Variants in RECK observed in about 807,000 individuals in gnomAD.
The protein encoded by RECK is reversion inducing cysteine rich protein with kazal motifs.
Under a neutral mutation model 115.1 loss-of-function variants are expected in RECK, and 69 were observed. The ratio of observed to expected loss-of-function variants is 0.60; its 90% CI spans 0.49 to 0.73. The LOEUF is 0.73. Among genes scored for constraint, RECK ranks in the 30% least tolerant of loss-of-function variants. The pLI, the probability that RECK is intolerant of heterozygous loss-of-function variation, is 0.00. For synonymous variants in RECK, 414 were observed against 419.7 expected, an observed-to-expected ratio of 0.99 and a Z score of 0.17; for missense variants, 1,047 against 1,203.7, an observed-to-expected ratio of 0.87 and a Z score of 1.93.
chr9:36,115,149 T>G (rs1181797255), intron 16 of RECK, among the ~76,000 whole-genome samples: 1 of 152,026 alleles, frequency 6.6e-6, no homozygotes, highest in African/African-American at 2.4e-5. Flanking sequence ...ATCCCATCTC[T>G]ACTAAAAATA....
At chr9:36,114,882 A>C (rs895989178) in intron 16 of RECK, among the ~76,000 whole-genome samples, 7 of 152,098 alleles carry the variant, frequency 4.6e-5, no homozygotes, top group African/African-American at 1.7e-4. Context: ...ACTAAAAGAA[A>C]GAAATTGGTA....
intron 13 of RECK, 57 bp downstream of exon 13, chr9:36,105,340 T>C: frequency 6.4e-7 from 1 of 1,574,072 alleles, no homozygotes; most frequent in South Asian, 1.1e-5. Context: ...TGTTTCTTTA[T>C]AGGAGCTATC....
At chr9:36,102,341 C>A in intron 12 of RECK, 111 bp downstream of exon 12, 1 of 888,880 alleles carries the variant, frequency 1.1e-6, no homozygotes, top group Non-Finnish European at 1.7e-6. Flanking sequence ...ACATGGGATT[C>A]AATGATACCA....
chr9:36,114,863 A>ACAAAT (rs1187781411), intron 16 of RECK, among the ~76,000 whole-genome samples: 1 of 151,690 alleles, frequency 6.6e-6, no homozygotes, highest in Non-Finnish European at 1.5e-5. Flanking sequence ...ACAAAACAAA[A>ACAAAT]CAAAAAACAC....
rs150318912 is a variant in RECK, at chr9:36,076,654, G to A, written c.406-3951G>A. 1.4e-4 allele frequency among the ~76,000 whole-genome samples: 21 copies of A among 152,216 alleles called. No homozygotes were observed. The East Asian group carries it at 3.5e-3, about 25-fold the overall frequency. On this transcript the variant is annotated intron_variant, in intron 6 of 20. Transcript: ENST00000377966. ...CAAATATTCAGGAATTTAATCGCGA[G>A]AGTAGGGCAGGGAACTAGTTATTGA...
chr9:36,073,654 T>C (rs1292031569), intron 6 of RECK, among the ~76,000 whole-genome samples: 2 of 152,198 alleles, frequency 1.3e-5, no homozygotes, highest in African/African-American at 4.8e-5. Context: ...AACCCTTCAG[T>C]TGCTTCCCTG....
chr9:36,085,987 GT>G (rs1822943466), intron 8 of RECK: 1 of 151,916 alleles, frequency 6.6e-6, no homozygotes, highest in Admixed American at 6.6e-5. Flanking sequence ...GCAGAAAGAG[GT>G]TTTAAGGGTA....
intron 8 of RECK, among the ~76,000 whole-genome samples, chr9:36,084,671 G>A (rs1822871336): frequency 6.6e-6 from 1 of 151,858 alleles, no homozygotes; most frequent in Admixed American, 6.6e-5. Flanking sequence ...CTCTAGCCTG[G>A]GCAACAGACC....
At chr9:36,109,396 A>C (rs1823944739) in intron 14 of RECK, among the ~76,000 whole-genome samples, 1 of 152,230 alleles carries the variant, frequency 6.6e-6, no homozygotes. Context: ...ATGAGCTTTC[A>C]AAGCAGAAGG....
chr9:36,037,020 C>G lies in RECK; in HGVS notation c.22C>G (p.Leu8Val). 7.0e-7 allele frequency: 1 copy of G among 1,431,896 alleles called. No individual in the cohort carries two copies. Among genetic ancestry groups the G allele is most frequent in the Non-Finnish European group, 9.2e-7 (1 of 1,089,868 alleles). The allele number at this position is 1,431,896 out of a possible 1,614,324, so 88.7% of individuals were successfully genotyped here. ...GGACATGGCGACCGTCCGGGCCTCT[C>G]TGCGAGGTGCGCTGCTCCTTCTGCT... MATVRAS[L>V]RGALLLLLAV... is the part of the protein sequence containing the mutation. Residue 8 changes from leucine to valine, a missense_variant, in exon 1 of 21, where the codon CTG becomes GTG. Coordinates refer to ENST00000377966, the MANE Select transcript of RECK (RefSeq NM_021111.3).
rs561725701 is a variant in RECK at position 36,065,228 on chromosome 9, T to TAAAAAAAAAAAAAAAAAAA, written c.358-340_358-322dup. 5.9e-5 allele frequency among the ~76,000 whole-genome samples: 3 copies of TAAAAAAAAAAAAAAAAAAA among 50,542 alleles called. 1 individual carries two copies. The highest frequency in any genetic ancestry group is 1.2e-4 in the Non-Finnish European group (3 of 25,732). 33.2% of individuals were successfully genotyped at this position (50,542 alleles called of 152,430 possible). A position where few individuals can be genotyped will look rare whatever the true frequency, so the allele number is the denominator to read the frequency against. On this transcript the variant is annotated intron_variant, in intron 5 of 20. Coordinates refer to ENST00000377966, the MANE Select transcript of RECK (RefSeq NM_021111.3). ...AATTTGCTACAGAGTGGAATTCAGC[T>TAAAAAAAAAAAAAAAAAAA]AAAAAAAAAAAAAAAAAAAAAAAAA...
chr9:36,053,651 A>G (rs1400062443), intron 2 of RECK, among the ~76,000 whole-genome samples: 1 of 152,186 alleles, frequency 6.6e-6, no homozygotes, highest in African/African-American at 2.4e-5. Flanking sequence ...TTTGGGAAAC[A>G]TGACTTACCT....
chr9:36,054,126 C>G (rs1398275139), intron 2 of RECK, among the ~76,000 whole-genome samples: 2 of 152,136 alleles, frequency 1.3e-5, no homozygotes, highest in Non-Finnish European at 2.9e-5. Flanking sequence ...TCGTAGAGCT[C>G]ACTTCAAAGA....
chr9:36,120,616 CTT>C (rs1824425138), intron 18 of RECK, 45 bp from the exon 19 acceptor site: 1 of 1,440,294 alleles, frequency 6.9e-7, no homozygotes, highest in Non-Finnish European at 9.8e-7. Context: ...TTTAAATTCT[CTT>C]TGTTTCTAAT....
chr9:36,112,808 A>G (rs764064881), intron 16 of RECK, among the ~76,000 whole-genome samples: 46 of 152,358 alleles, frequency 3.0e-4, no homozygotes, highest in Non-Finnish European at 6.0e-4. Flanking sequence ...CAGACTAACA[A>G]GAGTCATGGC....
In RECK at chr9:36,100,524, C is replaced by G. The variant is rs189825349; in HGVS notation, c.1279C>G (p.Arg427Gly). The G allele has an allele frequency of 6.2e-7, 1 of 1,613,268 alleles. No individual in the cohort carries two copies. Residue 427 changes from arginine (R) to glycine (G), a missense_variant, in exon 11 of 21, where the codon CGG (arginine) becomes GGG (glycine). Coordinates refer to ENST00000377966, the MANE Select transcript of RECK (RefSeq NM_021111.3). Reference sequence around the variant, plus strand: ...GATTAAACCTTGTCATAGTAAATCTCGGGGAAGTATTATTTGCAAGTAAGT... The same window carrying G: ...GATTAAACCTTGTCATAGTAAATCTGGGGGAAGTATTATTTGCAAGTAAGT... The part of the protein sequence containing the change: ...LQIKPCHSKS[R>G]GSIICKSDCV...
intron 6 of RECK, among the ~76,000 whole-genome samples, chr9:36,077,527 A>G (rs967512778): frequency 3.9e-5 from 6 of 152,198 alleles, no homozygotes; most frequent in African/African-American, 1.4e-4. Flanking sequence ...TATTCATCAA[A>G]TGCTGGTATA....
At chr9:36,110,346 G>T (rs973725337) in intron 15 of RECK, among the ~76,000 whole-genome samples, 2 of 152,074 alleles carry the variant, frequency 1.3e-5, no homozygotes, top group African/African-American at 4.8e-5. Flanking sequence ...ATTGGAATGG[G>T]TTTAATTAAA....
At chr9:36,064,972 T>G (rs911702904) in intron 5 of RECK, among the ~76,000 whole-genome samples, 1 of 152,124 alleles carries the variant, frequency 6.6e-6, no homozygotes, top group Non-Finnish European at 1.5e-5. Context: ...GGCAAATAGC[T>G]TGCTACTTCT....
Sources: allele counts gnomAD v4.1 joint callset (sites outside exome capture counted in the v4.1 genomes callset), GRCh38; gene constraint gnomAD v4.1.1; transcripts MANE v1.5; gene names NCBI Gene and HGNC (gene_info 2026-07-23, HGNC 2026-07-21).